Variants in SHISA2 observed in about 807,000 individuals in gnomAD.
SHISA2 encodes shisa family member 2, also known as protein shisa-2 homolog.
Under a neutral mutation model 23.8 loss-of-function variants are expected in SHISA2, and 16 were observed. The observed-to-expected ratio is 0.67, with a 90% confidence interval of 0.46 to 1.02. The LOEUF (loss-of-function observed/expected upper bound fraction) is 1.02. Ranked by LOEUF, SHISA2 falls within the 50% of genes least tolerant of loss-of-function variation. SHISA2 has a pLI of 0.00. For synonymous variants in SHISA2, 201 were observed against 178.6 expected (o/e 1.13, Z -1.00); for missense variants, 459 against 420.1 (o/e 1.09, Z -0.81).
chr13:26,049,121 G>A (rs1409589678), intron 1 of SHISA2, among the ~76,000 whole-genome samples: 1 of 152,142 alleles, frequency 6.6e-6, no homozygotes, highest in Non-Finnish European at 1.5e-5. Flanking sequence ...CCCAATCATA[G>A]CAGAAACTAG....
chr13:26,049,863 A>AACACACACACACACAC (rs57979033), intron 1 of SHISA2, among the ~76,000 whole-genome samples: 2,540 of 135,982 alleles, frequency 0.019, 84 homozygotes, highest in South Asian at 0.03. Flanking sequence ...CGAAATAAAT[A>AACACACACACACACAC]ACACACACAC....
Position 26,046,498 on chromosome 13 carries a change from A to G in SHISA2, c.*15T>C, listed in dbSNP as rs1957268298. ...TCGTCTCCCTTCAGTAAAGGAACCC[A>G]CCAGTGACTCTCGGTTATACAGTCA... On this transcript the variant is annotated 3_prime_UTR_variant, in exon 2 of 2. Transcript: ENST00000319420. 1.3e-6 allele frequency: 2 copies of G among 1,570,384 alleles called. No homozygotes were observed. The highest frequency in any genetic ancestry group is 2.0e-4 in the Middle Eastern group (1 of 5,058).
In SHISA2 at chr13:26,046,969, C is replaced by A; in HGVS notation, c.432G>T (p.Arg144=). The part of the protein sequence containing the change: ...LVAACCCRCL[R]PKQDPQQSRA... ...GGCTCTGCTGGGGATCCTGCTTAGG[C>A]CGGAGACATCTGCAGCAACAGGCTG... Residue 144 remains arginine (R), a synonymous_variant, in exon 2 of 2, where the codon CGG becomes CGT. Transcript: ENST00000319420. 2 of 1,607,722 alleles carry A rather than the reference C, an allele frequency of 1.2e-6. No homozygotes were observed. Among genetic ancestry groups the A allele is most frequent in the Non-Finnish European group, 8.5e-7 (1 of 1,175,554 alleles).
rs561179161 is a variant in SHISA2 at position 26,052,016 on chromosome 13, C to A, written c.-1041G>T. 2.0e-5 allele frequency among the ~76,000 whole-genome samples: 3 copies of A among 152,228 alleles called. No homozygotes were observed. The highest frequency in any genetic ancestry group is 4.1e-4 in the South Asian group (2 of 4,828). ...CCCGGCGCCAGACCAGCTCCGACTCCGCTCGCTGCCGCGCTGAGCCGCGCT... is the reference window on the plus strand; with the variant it reads ...CCCGGCGCCAGACCAGCTCCGACTCAGCTCGCTGCCGCGCTGAGCCGCGCT... On this transcript the variant is annotated 5_prime_UTR_variant, in exon 1 of 2. Coordinates refer to ENST00000319420, the MANE Select transcript of SHISA2 (RefSeq NM_001007538.2).
chr13:26,047,130 C>T, intron 1 of SHISA2, 64 bp from the exon 2 acceptor site: 1 of 1,449,992 alleles, frequency 6.9e-7, no homozygotes. Flanking sequence ...CAATCGCCAA[C>T]TGGCAATGGC....
In SHISA2 at chr13:26,046,606, G is replaced by A; in HGVS notation, c.795C>T (p.Phe265=). The stretch of plus-strand genomic sequence containing the variant: ...TGTAGCCAGGCTGCAGGCCGTCCAT[G>A]AAAGGTGGCACAGCTGTCATGGGCA... ...DSVPMTAVPP[F]MDGLQPGYRQ... The change falls in exon 2 of 2, where the codon TTC becomes TTT. Residue 265 remains phenylalanine (F), a synonymous_variant. Transcript: ENST00000319420. 1 of 1,614,220 alleles carries A rather than the reference G, an allele frequency of 6.2e-7. No homozygotes were observed. Among genetic ancestry groups the A allele is most frequent in the Non-Finnish European group, 8.5e-7 (1 of 1,180,034 alleles).
chr13:26,046,727 G>A lies in SHISA2; in HGVS notation c.674C>T (p.Ser225Phe). 1 of 1,614,244 alleles carries A rather than the reference G, an allele frequency of 6.2e-7. No homozygotes were observed. Residue 225 changes from serine (S) to phenylalanine (F), a missense_variant, in exon 2 of 2, where the codon TCT becomes TTT. Coordinates refer to ENST00000319420, the MANE Select transcript of SHISA2 (RefSeq NM_001007538.2). Reference protein sequence around the residue: ...NVYVNMPTNFSVLNCQQATQI... With the variant: ...NVYVNMPTNFFVLNCQQATQI... The stretch of plus-strand genomic sequence containing the variant: ...GGTGGCCTGCTGACAGTTCAGCACA[G>A]AGAAATTCGTGGGCATGTTGACATA...
intron 1 of SHISA2, among the ~76,000 whole-genome samples, chr13:26,048,457 A>G (rs762545305): frequency 4.6e-5 from 7 of 152,126 alleles, no homozygotes; most frequent in African/African-American, 9.7e-5. Context: ...ACTTTTGTGG[A>G]ATTCTACCCT....
intron 1 of SHISA2, among the ~76,000 whole-genome samples, 186 bp downstream of exon 1, chr13:26,050,456 A>G (rs1258134037): frequency 4.6e-5 from 7 of 152,166 alleles, no homozygotes; most frequent in Admixed American, 4.6e-4. Context: ...TGGCTGACAG[A>G]TGGAGAAACT....
rs147670301 is a variant in SHISA2, at chr13:26,052,006, G to C, written c.-1031C>G. Among the ~76,000 whole-genome samples the C allele has an allele frequency of 1.3e-5, 2 of 152,136 alleles. No individual in the cohort carries two copies. Among genetic ancestry groups the C allele is most frequent in the African/African-American group, 2.4e-5 (1 of 41,430 alleles). ...CCTCGCCCCGCCCGGCGCCAGACCA[G>C]CTCCGACTCCGCTCGCTGCCGCGCT... On this transcript the variant is annotated 5_prime_UTR_variant, in exon 1 of 2. Transcript: ENST00000319420.
chr13:26,051,049 AC>A lies in SHISA2; in HGVS notation c.-75del. 3 of 1,302,210 alleles carry A rather than the reference AC, an allele frequency of 2.3e-6. No individual in the cohort carries two copies. The highest frequency in any genetic ancestry group is 3.0e-6 in the Non-Finnish European group (3 of 999,840). The allele number at this position is 1,302,210 out of a possible 1,614,324, so 80.7% of individuals were successfully genotyped here. The stretch of plus-strand genomic sequence containing the variant: ...TCTCCGAGAAGTCGTGGCCCCGGCG[AC>A]CCCCGGGCCTCGTCACTGACTGTCC... On this transcript the variant is annotated 5_prime_UTR_variant, in exon 1 of 2. Coordinates refer to ENST00000319420, the MANE Select transcript of SHISA2 (RefSeq NM_001007538.2).
At position 26,049,860 on chromosome 13, in the gene SHISA2, AATAACACACACAC is replaced by A. The variant is rs1459694936; in HGVS notation, c.334+769_334+781del. 1.4e-4 allele frequency among the ~76,000 whole-genome samples: 18 copies of A among 126,658 alleles called. 1 individual carries two copies. Among genetic ancestry groups the A allele is most frequent in the Admixed American group, 1.4e-3 (17 of 12,216 alleles). The allele number at this position is 126,658 out of a possible 152,430, so 83.1% of individuals were successfully genotyped here. A position where few individuals can be genotyped will look rare whatever the true frequency, so the allele number is the denominator to read the frequency against. ...TCTACACCTCCCCTCCCCCGAAATA[AATAACACACACAC>A]ACACACACACACACACACACACACA... On this transcript the variant is annotated intron_variant, in intron 1 of 1. Transcript: ENST00000319420.
In SHISA2 at chr13:26,046,893, C is replaced by A; in HGVS notation, c.508G>T (p.Ala170Ser). The A allele has an allele frequency of 6.2e-7, 1 of 1,613,584 alleles. No homozygotes were observed. ...LMETIPMIPS[A>S]STSRGSSSRQ... The stretch of plus-strand genomic sequence containing the variant: ...GAGGACGACCCCCGGGAGGTGCTGG[C>A]ACTGGGGATCATGGGGATGGTCTCC... Residue 170 changes from alanine to serine, a missense_variant, in exon 2 of 2, where the codon GCC (alanine) becomes TCC (serine). Ala to Ser is a moderately conservative substitution (Grantham distance 99, BLOSUM62 1). Transcript: ENST00000319420.
At position 26,051,456 on chromosome 13, in the gene SHISA2, C is replaced by T. The variant is rs1223333323; in HGVS notation, c.-481G>A. ...CGTCTCCCCTCCTTTATTCCCTCCT[C>T]GGGCGGGTAGAAGGGGCGAAGGCGG... On this transcript the variant is annotated 5_prime_UTR_variant, in exon 1 of 2. Transcript: ENST00000319420. Among the ~76,000 whole-genome samples the T allele has an allele frequency of 1.3e-5, 2 of 152,304 alleles. No individual in the cohort carries two copies. Among genetic ancestry groups the T allele is most frequent in the African/African-American group, 2.4e-5 (1 of 41,586 alleles).
At position 26,046,529 on chromosome 13, in the gene SHISA2, G is replaced by A; in HGVS notation, c.872C>T (p.Pro291Leu). The change falls in exon 2 of 2, where the codon CCA becomes CTA. Residue 291 changes from proline to leucine, a missense_variant. Transcript: ENST00000319420. ...GACTCTCGGTTATACAGTCACCGCT[G>A]GGTACATCTTCTGTTCACTGTTGGT... ...PHTNSEQKMY[P>L]AVTV is the part of the protein sequence containing the mutation. The A allele has an allele frequency of 6.2e-7, 1 of 1,607,594 alleles. No individual in the cohort carries two copies. The highest frequency in any genetic ancestry group is 8.5e-7 in the Non-Finnish European group (1 of 1,176,118).
At chr13:26,050,517 GA>G in intron 1 of SHISA2, 124 bp downstream of exon 1, 1 of 1,005,812 alleles carries the variant, frequency 9.9e-7, no homozygotes, top group Non-Finnish European at 1.3e-6. Context: ...TAATAAGCCA[GA>G]AGGCAGACTC....
At position 26,046,386 on chromosome 13, in the gene SHISA2, TG is replaced by T; in HGVS notation, c.*126del. On this transcript the variant is annotated 3_prime_UTR_variant, in exon 2 of 2. Coordinates refer to ENST00000319420, the MANE Select transcript of SHISA2 (RefSeq NM_001007538.2). ...AATTCGGAGATGTTTTCATACAGTC[TG>T]GGGGCAAATGAAGCCATCCAAAGGA... 1.1e-6 allele frequency: 1 copy of T among 915,862 alleles called. No individual in the cohort carries two copies. Among genetic ancestry groups the T allele is most frequent in the East Asian group, 2.6e-5 (1 of 37,764 alleles). The allele number at this position is 915,862 out of a possible 1,614,324, so 56.7% of individuals were successfully genotyped here.
rs987481650 is a variant in SHISA2, at chr13:26,045,648, A to T, written c.*865T>A. 1.3e-5 allele frequency: 2 copies of T among 152,156 alleles called. No homozygotes were observed. The highest frequency in any genetic ancestry group is 4.8e-5 in the African/African-American group (2 of 41,418). The allele number at this position is 152,156 out of a possible 1,614,324, so 9.4% of individuals were successfully genotyped here. A position where few individuals can be genotyped will look rare whatever the true frequency, so the allele number is the denominator to read the frequency against. On this transcript the variant is annotated 3_prime_UTR_variant, in exon 2 of 2. Coordinates refer to ENST00000319420, the MANE Select transcript of SHISA2 (RefSeq NM_001007538.2). The stretch of plus-strand genomic sequence containing the variant: ...AAAAGCACAAAAATAGACAAAATAT[A>T]TATATCTTTTTACAATGAAATTAAG...
Position 26,046,316 on chromosome 13 carries a change from A to T in SHISA2, c.*197T>A. 4 of 614,334 alleles carry T rather than the reference A, an allele frequency of 6.5e-6. No homozygotes were observed. In the South Asian group the frequency reaches 9.9e-5, roughly 15 times the overall value. The allele number at this position is 614,334 out of a possible 1,614,324, so 38.1% of individuals were successfully genotyped here. On this transcript the variant is annotated 3_prime_UTR_variant, in exon 2 of 2. Coordinates refer to ENST00000319420, the MANE Select transcript of SHISA2 (RefSeq NM_001007538.2). ...CATCTCCAGCTGAGGCCGGTTTTCC[A>T]TCATAAATCAATGATACCCTGGATG...
Sources: gnomAD v4.1 joint callset for allele counts (sites outside exome capture counted in the v4.1 genomes callset) on GRCh38, gnomAD v4.1.1 for gene constraint, MANE v1.5 for transcripts, NCBI Gene and HGNC (gene_info 2026-07-23, HGNC 2026-07-21) for gene names.